C6orf132: variants seen among roughly 807,000 people sequenced by gnomAD.
C6orf132 encodes chromosome 6 open reading frame 132, also known as uncharacterized protein C6orf132.
A neutral mutation model predicts 65.3 loss-of-function variants in C6orf132; 43 were observed. The observed-to-expected ratio is 0.66, with a 90% CI of 0.52 to 0.85. The LOEUF (loss-of-function observed/expected upper bound fraction) is 0.85. Ranked by LOEUF, C6orf132 falls within the 40% of genes least tolerant of loss-of-function variation. The probability of loss-of-function intolerance (pLI) is 0.00; values close to 1 mark genes in which losing one functional copy is unlikely to be tolerated. For missense variants in C6orf132, 1,488 were observed against 1,548.8 expected (o/e 0.96, Z 0.66); for synonymous variants, 631 against 654.1 (o/e 0.96, Z 0.54).
At chr6:42,103,960 G>A in intron 4 of C6orf132, 82 bp from the exon 5 acceptor site, 1 of 967,172 alleles carries the variant, frequency 1.0e-6, no homozygotes, top group Non-Finnish European at 1.4e-6. Context: ...GGACCGAGAG[G>A]AAAAGATGCT....
At chr6:42,123,632 T>A (rs1766724745) in intron 2 of C6orf132, among the ~76,000 whole-genome samples, 1 of 151,702 alleles carries the variant, frequency 6.6e-6, no homozygotes, top group Admixed American at 6.6e-5. Context: ...AGGGACAGGC[T>A]CTGGCTTGCT....
intron 1 of C6orf132, among the ~76,000 whole-genome samples, chr6:42,132,864 AAAAAGAAAAG>A (rs1169218182): frequency 1.1e-4 from 17 of 148,574 alleles, no homozygotes; most frequent in Admixed American, 2.7e-4. Flanking sequence ...CTCAAAAAAA[AAAAAGAAAAG>A]AAAAGAAAAG....
chr6:42,142,288 C>T lies in C6orf132; in HGVS notation c.145+12G>A, dbSNP rs1208327797. 1.3e-6 allele frequency: 2 copies of T among 1,549,300 alleles called. No individual in the cohort carries two copies. Among genetic ancestry groups the T allele is most frequent in the Admixed American group, 2.0e-5 (1 of 50,956 alleles). On this transcript the variant is annotated intron_variant, in intron 1 of 4. Coordinates refer to ENST00000341865, the MANE Select transcript of C6orf132 (RefSeq NM_001164446.3). ...TCCCCGCCCCAGCGCCCTCCGTCCC[C>T]GGAGTACTCACCGAAGCCCCCGGTC...
chr6:42,116,880 C>T (rs1442411177), intron 2 of C6orf132, among the ~76,000 whole-genome samples: 1 of 152,160 alleles, frequency 6.6e-6, no homozygotes. Flanking sequence ...AGGAATTGTG[C>T]AGAGGTTTCA....
intron 1 of C6orf132, among the ~76,000 whole-genome samples, chr6:42,137,983 G>T (rs549943731): frequency 1.3e-5 from 2 of 152,178 alleles, no homozygotes; most frequent in Non-Finnish European, 2.9e-5. Flanking sequence ...GCTTGAACCC[G>T]GGAGGTAGAA....
intron 2 of C6orf132, among the ~76,000 whole-genome samples, chr6:42,113,541 A>C (rs1324419666): frequency 6.6e-6 from 1 of 152,208 alleles, no homozygotes; most frequent in Non-Finnish European, 1.5e-5. Flanking sequence ...GCAGCTGGGC[A>C]TGGTGGCTCA....
chr6:42,139,677 G>GTT (rs111544218), intron 1 of C6orf132, among the ~76,000 whole-genome samples: 1 of 151,466 alleles, frequency 6.6e-6, no homozygotes, highest in African/African-American at 2.4e-5. Flanking sequence ...TATTATGAGG[G>GTT]GTTTTTTTTT....
At position 42,101,467 on chromosome 6, in the gene C6orf132, T is replaced by G. The variant is rs1483928979; in HGVS notation, c.*2294A>C. 1 of 152,220 alleles carries G rather than the reference T, an allele frequency of 6.6e-6. No individual in the cohort carries two copies. The highest frequency in any genetic ancestry group is 1.5e-5 in the Non-Finnish European group (1 of 68,052). 9.4% of individuals were successfully genotyped at this position (152,220 alleles called of 1,614,324 possible). On this transcript the variant is annotated 3_prime_UTR_variant, in exon 5 of 5. Coordinates refer to ENST00000341865, the MANE Select transcript of C6orf132 (RefSeq NM_001164446.3). ...AGTCATGTGGGTGAGCTGATGGCAG[T>G]CTATCCATACTAAGCACAGTGGCTT...
intron 2 of C6orf132, among the ~76,000 whole-genome samples, chr6:42,121,869 C>T (rs1236847642): frequency 1.3e-5 from 2 of 152,130 alleles, no homozygotes; most frequent in East Asian, 3.9e-4. Context: ...CACCCCTGCC[C>T]TAGAGCAAGA....
intron 2 of C6orf132, among the ~76,000 whole-genome samples, chr6:42,111,087 AG>A (rs1342502070): frequency 6.6e-6 from 1 of 152,096 alleles, no homozygotes; most frequent in Non-Finnish European, 1.5e-5. Flanking sequence ...AGTTTTCATT[AG>A]GTGTTTACAG....
chr6:42,114,415 C>A (rs972426871), intron 2 of C6orf132, among the ~76,000 whole-genome samples: 4 of 142,408 alleles, frequency 2.8e-5, no homozygotes, highest in Non-Finnish European at 6.1e-5. Flanking sequence ...CCTTTTCTTT[C>A]CCACTTGGGC....
chr6:42,106,933 C>T lies in C6orf132; in HGVS notation c.979G>A (p.Glu327Lys), dbSNP rs1351767437. ...VQEAQEAPRK[E>K]EGATKKAPSR... is the part of the protein sequence containing the mutation. Reference sequence around the variant, plus strand: ...GGAGCCTTCTTGGTGGCCCCCTCTTCCTTTCGGGGAGCCTCTTGTGCTTCC... The same window carrying T: ...GGAGCCTTCTTGGTGGCCCCCTCTTTCTTTCGGGGAGCCTCTTGTGCTTCC... Residue 327 changes from glutamate to lysine, a missense_variant, in exon 4 of 5, where the codon GAA (glutamate) becomes AAA (lysine). Glu to Lys is a moderately conservative substitution (Grantham distance 56, BLOSUM62 1). Coordinates refer to ENST00000341865, the MANE Select transcript of C6orf132 (RefSeq NM_001164446.3). The T allele has an allele frequency of 2.6e-6, 4 of 1,536,234 alleles. No homozygotes were observed. In the South Asian group the frequency reaches 4.8e-5, roughly 18 times the overall value.
chr6:42,131,989 A>G (rs920727576), intron 1 of C6orf132, among the ~76,000 whole-genome samples: 1 of 151,996 alleles, frequency 6.6e-6, no homozygotes, highest in Non-Finnish European at 1.5e-5. Flanking sequence ...ACGGGAGCAG[A>G]GGTGGGGTGA....
Position 42,142,459 on chromosome 6 carries a change from C to G in C6orf132, c.-15G>C. ...TTCTTTTTCATGCTGCCGCAGCCCG[C>G]GCGGGCGCCAGGGAAGGACCTTCCC... On this transcript the variant is annotated 5_prime_UTR_variant, in exon 1 of 5. Coordinates refer to ENST00000341865, the MANE Select transcript of C6orf132 (RefSeq NM_001164446.3). 3 of 1,548,840 alleles carry G rather than the reference C, an allele frequency of 1.9e-6. No homozygotes were observed. Among genetic ancestry groups the G allele is most frequent in the Non-Finnish European group, 2.6e-6 (3 of 1,145,622 alleles).
At position 42,122,311 on chromosome 6, in the gene C6orf132, G is replaced by A. The variant is rs1257263970; in HGVS notation, c.252+6361C>T. ...GATCAAGGGGACATGCCCTCAGAGG[G>A]CGCACCACGTCCCTGGAGACCCTGC... On this transcript the variant is annotated intron_variant, in intron 2 of 4. Transcript: ENST00000341865. Among the ~76,000 whole-genome samples, 6 of 152,328 alleles carry A rather than the reference G, an allele frequency of 3.9e-5. No individual in the cohort carries two copies. In the South Asian group the frequency reaches 1.0e-3, roughly 26 times the overall value.
In C6orf132 at chr6:42,104,709, AC is replaced by A. The variant is rs1367411931; in HGVS notation, c.3202del (p.Val1068SerfsTer19). On this transcript the variant is annotated frameshift_variant, in exon 4 of 5. Transcript: ENST00000341865. LOFTEE classifies it high-confidence loss of function. The surrounding 1 kb of genome is among the most constrained non-coding windows in gnomAD (Gnocchi z 4.1). The part of the protein sequence containing the change: ...GRSLIKKRLY[V>X]GEPHRGPGLP... ...CCCTGGGCCTCGGTGCGGCTCCCCG[AC>A]GTACAGGCGCTTCTTTATGAGCGAG... is the stretch of plus-strand genomic sequence containing the variant. 1 of 1,521,038 alleles carries A rather than the reference AC, an allele frequency of 6.6e-7. No homozygotes were observed. Among genetic ancestry groups the A allele is most frequent in the Non-Finnish European group, 8.8e-7 (1 of 1,140,532 alleles). The allele number at this position is 1,521,038 out of a possible 1,614,324, so 94.2% of individuals were successfully genotyped here.
chr6:42,123,463 GAGAAGA>G (rs764160265), intron 2 of C6orf132, among the ~76,000 whole-genome samples: 1 of 96,610 alleles, frequency 1.0e-5, no homozygotes, highest in Admixed American at 9.4e-5. Flanking sequence ...GAAGGAGAAG[GAGAAGA>G]AGGAGAAGGA....
chr6:42,105,287 G>C lies in C6orf132; in HGVS notation c.2625C>G (p.Ala875=), dbSNP rs754996256. 2.6e-6 allele frequency: 4 copies of C among 1,537,028 alleles called. No individual in the cohort carries two copies. The highest frequency in any genetic ancestry group is 2.4e-5 in the South Asian group (2 of 84,066). The part of the protein sequence containing the change: ...PGSLRDHSHQ[A]EASSDSIFHS... ...GGAAGATGCTGTCAGAGCTGGCCTC[G>C]GCTTGGTGGCTGTGGTCACGGAGAC... is the stretch of plus-strand genomic sequence containing the variant. The change falls in exon 4 of 5, where the codon GCC becomes GCG. Residue 875 remains alanine, a synonymous_variant. Coordinates refer to ENST00000341865, the MANE Select transcript of C6orf132 (RefSeq NM_001164446.3).
rs57381825 is a variant in C6orf132 at position 42,124,671 on chromosome 6, C to T, written c.252+4001G>A. 0.15 allele frequency among the ~76,000 whole-genome samples: 22,908 copies of T among 152,140 alleles called. 1,866 individuals carry two copies. The highest frequency in any genetic ancestry group is 0.17 in the Middle Eastern group (51 of 294). ...ACCCTGACTTGGTGGGGCTGGGGGA[C>T]GGGGTGTGTGCGTGTGCATGTGTGT... On this transcript the variant is annotated intron_variant, in intron 2 of 4. Transcript: ENST00000341865. The surrounding 1 kb of genome is among the most constrained non-coding windows in gnomAD (Gnocchi z 4.0).
Sources: gnomAD v4.1 joint callset for allele counts (sites outside exome capture counted in the v4.1 genomes callset) on GRCh38, gnomAD v4.1.1 for gene constraint, Gnocchi (gnomAD v3.1) non-coding constraint, MANE v1.5 for transcripts, NCBI Gene and HGNC (gene_info 2026-07-23, HGNC 2026-07-21) for gene names.